The following HECW2 variants were observed in gnomAD, a reference collection of about 807,000 sequenced individuals.
HECW2 encodes E3 ubiquitin-protein ligase HECW2.
A neutral mutation model predicts 175.2 loss-of-function variants in HECW2; 61 were observed. The ratio of observed to expected loss-of-function variants is 0.35; its 90% confidence interval spans 0.28 to 0.43. The LOEUF (loss-of-function observed/expected upper bound fraction) is 0.43, where lower values mean the gene tolerates loss of function less well. Among genes scored for constraint, HECW2 ranks in the 20% least tolerant of loss-of-function variants. The pLI, the probability that HECW2 is intolerant of heterozygous loss-of-function variation, is 1.00. For missense variants in HECW2, 1,524 were observed against 2,000.5 expected, an observed-to-expected ratio of 0.76 and a Z score of 4.54; for synonymous variants, 671 against 731.0, an observed-to-expected ratio of 0.92 and a Z score of 1.32.
chr2:196,383,587 G>C (rs1694267252), intron 2 of HECW2, among the ~76,000 whole-genome samples: 1 of 152,142 alleles, frequency 6.6e-6, no homozygotes, highest in Non-Finnish European at 1.5e-5. Flanking sequence ...TTCAAGAAGG[G>C]AACAGTGACA....
At chr2:196,228,399 A>T (rs1413607455) in intron 21 of HECW2, 145 bp from the exon 22 acceptor site, 1 of 718,982 alleles carries the variant, frequency 1.4e-6, no homozygotes, top group Non-Finnish European at 2.3e-6. Flanking sequence ...AAACTGAATG[A>T]TCATAGTTTC....
intron 1 of HECW2, 109 bp from the exon 2 acceptor site, chr2:196,433,567 A>T (rs773794261): frequency 4.0e-6 from 3 of 750,868 alleles, no homozygotes; most frequent in Middle Eastern, 3.9e-4. Context: ...TGATCATGCA[A>T]TAATCTTCTG....
chr2:196,331,060 G>A, intron 4 of HECW2: 1 of 690,146 alleles, frequency 1.4e-6, no homozygotes, highest in Non-Finnish European at 1.8e-6. Context: ...TTCAAATTTT[G>A]AAGTATAAAT....
At position 196,197,503 on chromosome 2, in the gene HECW2, A is replaced by G. The variant is rs1310726876; in HGVS notation, c.*3774T>C. The G allele has an allele frequency of 1.3e-5, 2 of 152,078 alleles. No individual in the cohort carries two copies. The highest frequency in any genetic ancestry group is 2.9e-5 in the Non-Finnish European group (2 of 68,022). The allele number at this position is 152,078 out of a possible 1,614,324, so 9.4% of individuals were successfully genotyped here. ...TCACATTTTGCCTTCTGTTTTTTAA[A>G]TTTCTCATGTCAAGTCATGAAATGC... On this transcript the variant is annotated 3_prime_UTR_variant, in exon 29 of 29. Transcript: ENST00000644978.
intron 2 of HECW2, among the ~76,000 whole-genome samples, chr2:196,409,701 T>C (rs55916505): frequency 0.021 from 3,143 of 152,338 alleles, 45 homozygotes; most frequent in Middle Eastern, 0.031. Context: ...CTGGCCATTA[T>C]TTGTCAAGTG....
intron 16 of HECW2, among the ~76,000 whole-genome samples, chr2:196,272,816 A>G (rs746085110): frequency 6.6e-6 from 1 of 152,162 alleles, no homozygotes; most frequent in Non-Finnish European, 1.5e-5. Flanking sequence ...CTCAGAGCCC[A>G]CATAACTGTC....
At chr2:196,331,073 C>A in intron 4 of HECW2, 1 of 839,064 alleles carries the variant, frequency 1.2e-6, no homozygotes, top group Non-Finnish European at 1.4e-6. Flanking sequence ...GTATAAATTT[C>A]TACTGCCTCC....
At position 196,456,177 on chromosome 2, in the gene HECW2, T is replaced by C. The variant is rs574667068; in HGVS notation, c.-35-22719A>G. Among the ~76,000 whole-genome samples, 21 of 152,262 alleles carry C rather than the reference T, an allele frequency of 1.4e-4. 1 individual carries two copies. In the South Asian group the frequency reaches 4.1e-3, roughly 30 times the overall value. On this transcript the variant is annotated intron_variant, in intron 1 of 28. Coordinates refer to ENST00000644978, the MANE Select transcript of HECW2 (RefSeq NM_001348768.2). Reference sequence around the variant, plus strand: ...AAAACATTTAAGCTCTTCTTTAAGTTAAACAACAGAAGAAAGGACACTATA... The same window carrying C: ...AAAACATTTAAGCTCTTCTTTAAGTCAAACAACAGAAGAAAGGACACTATA...
intron 2 of HECW2, among the ~76,000 whole-genome samples, chr2:196,428,011 C>G (rs1486642932): frequency 6.6e-6 from 1 of 152,156 alleles, no homozygotes; most frequent in Non-Finnish European, 1.5e-5. Flanking sequence ...TACAAGTCAT[C>G]TGGAGTGAGT....
chr2:196,432,235 G>A (rs1024061161), intron 2 of HECW2, among the ~76,000 whole-genome samples: 2 of 151,246 alleles, frequency 1.3e-5, no homozygotes, highest in Non-Finnish European at 1.5e-5. Context: ...TGATTTATTC[G>A]TTAAAAAAAA....
rs908966016 is a variant in HECW2, at chr2:196,215,847, T to C, written c.4607+18A>G. The C allele has an allele frequency of 4.0e-6, 6 of 1,516,068 alleles. No homozygotes were observed. The highest frequency in any genetic ancestry group is 5.5e-6 in the Non-Finnish European group (6 of 1,091,144). 93.9% of individuals were successfully genotyped at this position (1,516,068 alleles called of 1,614,324 possible). A position where few individuals can be genotyped will look rare whatever the true frequency, so the allele number is the denominator to read the frequency against. ...ACCAAATGTTGTGACAGTAAAGAAATGTTATTTTATATTTTACCTGGGAAG... is the reference window on the plus strand; with the variant it reads ...ACCAAATGTTGTGACAGTAAAGAAACGTTATTTTATATTTTACCTGGGAAG... On this transcript the variant is annotated intron_variant, in intron 28 of 28. Transcript: ENST00000644978.
At chr2:196,219,946 G>T in intron 26 of HECW2, 93 bp downstream of exon 26, 1 of 770,456 alleles carries the variant, frequency 1.3e-6, no homozygotes. Context: ...GAGTCCAAGT[G>T]CTGTTGCCTG....
chr2:196,503,584 C>T (rs1352547606), intron 1 of HECW2, among the ~76,000 whole-genome samples: 1 of 152,128 alleles, frequency 6.6e-6, no homozygotes, highest in East Asian at 1.9e-4. Flanking sequence ...ACCCAGTCGG[C>T]CAATAGCAGC....
intron 10 of HECW2, among the ~76,000 whole-genome samples, chr2:196,312,935 A>C (rs1222710602): frequency 1.3e-5 from 2 of 152,182 alleles, no homozygotes; most frequent in East Asian, 3.8e-4. Flanking sequence ...CCTTCATTTT[A>C]AAAAATACTT....
At chr2:196,331,244 A>T (rs1692346863) in intron 4 of HECW2, 2 of 984,916 alleles carry the variant, frequency 2.0e-6, no homozygotes, top group Non-Finnish European at 2.4e-6. Flanking sequence ...CTCTCAACAA[A>T]CATGTGTGGT....
At chr2:196,296,160 A>G (rs931927114) in intron 13 of HECW2, among the ~76,000 whole-genome samples, 10 of 152,138 alleles carry the variant, frequency 6.6e-5, no homozygotes, top group South Asian at 2.1e-4. Context: ...ATGTGTGTGT[A>G]TATATATATG....
intron 1 of HECW2, among the ~76,000 whole-genome samples, chr2:196,512,367 G>GATT (rs1200242055): frequency 6.6e-6 from 1 of 152,140 alleles, no homozygotes; most frequent in African/African-American, 2.4e-5. Context: ...TACAGAAGAT[G>GATT]TCACTTTTTT....
chr2:196,379,049 T>C (rs552177310), intron 2 of HECW2, among the ~76,000 whole-genome samples: 12 of 149,570 alleles, frequency 8.0e-5, no homozygotes, highest in Non-Finnish European at 1.5e-4. Flanking sequence ...AGGGAGTCAG[T>C]GGAACAAGTT....
At chr2:196,498,955 T>A (rs1687487317) in intron 1 of HECW2, among the ~76,000 whole-genome samples, 1 of 152,012 alleles carries the variant, frequency 6.6e-6, no homozygotes, top group African/African-American at 2.4e-5. Flanking sequence ...AGAAACTGAC[T>A]CAGCACAAGA....
Sources: allele counts gnomAD v4.1 joint callset (sites outside exome capture counted in the v4.1 genomes callset), GRCh38; gene constraint gnomAD v4.1.1; transcripts MANE v1.5; gene names NCBI Gene and HGNC (gene_info 2026-07-23, HGNC 2026-07-21).